Variants in GALM observed in about 807,000 individuals in gnomAD.
GALM encodes galactose mutarotase, also known as aldose 1-epimerase.
In GALM, 43 loss-of-function variants were observed where a neutral mutation model predicts 37.4. The ratio of observed to expected loss-of-function variants is 1.15; its 90% CI spans 0.90 to 1.48. The LOEUF (loss-of-function observed/expected upper bound fraction) is 1.48, where lower values mean the gene tolerates loss of function less well. Among genes scored for constraint, GALM ranks in the 40% most tolerant of loss-of-function variants. GALM has a pLI of 0.00. For missense variants in GALM, 456 were observed against 419.1 expected (o/e 1.09, Z -0.77); for synonymous variants, 199 against 170.6 (o/e 1.17, Z -1.30).
rs1666556010 is a variant in GALM at position 38,729,574 on chromosome 2, AAGGC to A, written c.655_658del (p.Gly219LeufsTer5). The stretch of plus-strand genomic sequence containing the variant: ...CCATCAGGAGAAGTTGCCCCAGTGC[AAGGC>A]ACTGCATTCGACCTGAGAAAGCCAG... On this transcript the variant is annotated frameshift_variant, in exon 5 of 7. Transcript: ENST00000272252. LOFTEE classifies it high-confidence loss of function. The A allele has an allele frequency of 1.2e-6, 2 of 1,613,364 alleles. No homozygotes were observed. Among genetic ancestry groups the A allele is most frequent in the Admixed American group, 3.3e-5 (2 of 59,974 alleles).
intron 1 of GALM, among the ~76,000 whole-genome samples, chr2:38,667,759 T>C (rs1311632704): frequency 7.5e-5 from 11 of 145,734 alleles, no homozygotes; most frequent in East Asian, 2.1e-4. Context: ...ATCACTTGAA[T>C]CTGGGAGGCG....
intron 4 of GALM, among the ~76,000 whole-genome samples, chr2:38,703,779 G>A (rs1467653670): frequency 7.2e-5 from 11 of 152,118 alleles, no homozygotes; most frequent in Non-Finnish European, 1.5e-5. Context: ...TTGGGAGGCT[G>A]AGGTGGGCAG....
intron 1 of GALM, 69 bp downstream of exon 1, chr2:38,666,420 G>GGGA: frequency 1.6e-6 from 2 of 1,252,712 alleles, no homozygotes; most frequent in Non-Finnish European, 2.2e-6. Context: ...CGGATCTAGC[G>GGGA]GGCCACTTGC....
chr2:38,686,276 C>CTTTCTTTCTTTCTTTCCTTCTTTCTTTCT (rs1294189123), intron 3 of GALM, among the ~76,000 whole-genome samples: 2 of 99,032 alleles, frequency 2.0e-5, no homozygotes, highest in African/African-American at 8.7e-5. Flanking sequence ...TTCTTTCTTT[C>CTTTCTTTCTTTCTTTCCTTCTTTCTTTCT]TTATTTTGAG....
chr2:38,698,091 G>A (rs1403495655), intron 4 of GALM, among the ~76,000 whole-genome samples: 1 of 151,762 alleles, frequency 6.6e-6, no homozygotes, highest in Non-Finnish European at 1.5e-5. Context: ...CTACAGGTGC[G>A]CACCACCACG....
At position 38,666,209 on chromosome 2, in the gene GALM, A is replaced by C; in HGVS notation, c.48A>C (p.Gly16=). Reference sequence around the variant, plus strand: ...TGTTTGGAGAGCTGCCCTCGGGAGGAGGGACAGTGGAGAAGTTCCAGCTGC... The same window carrying C: ...TGTTTGGAGAGCTGCCCTCGGGAGGCGGGACAGTGGAGAAGTTCCAGCTGC... ...RAVFGELPSG[G]GTVEKFQLQS... is the part of the protein sequence containing the mutation. The change falls in exon 1 of 7, where the codon GGA becomes GGC. Residue 16 remains glycine, a synonymous_variant. Coordinates refer to ENST00000272252, the MANE Select transcript of GALM (RefSeq NM_138801.3). The C allele has an allele frequency of 6.2e-7, 1 of 1,613,868 alleles. No homozygotes were observed. The highest frequency in any genetic ancestry group is 8.5e-7 in the Non-Finnish European group (1 of 1,179,914).
Position 38,689,818 on chromosome 2 carries a change from C to T in GALM, c.558C>T (p.Ser186=), listed in dbSNP as rs1178716201. The change falls in exon 4 of 7, where the codon TCC becomes TCT. Residue 186 remains serine, a synonymous_variant. Coordinates refer to ENST00000272252, the MANE Select transcript of GALM (RefSeq NM_138801.3). The stretch of plus-strand genomic sequence containing the variant: ...CCCCTACCTTTTCCTCCCAGGCTTC[C>T]CCAAATATAAATGACCATGAAGTCA... The part of the protein sequence containing the change: ...HSYFNLAGQA[S]PNINDHEVTI... 1 of 1,597,190 alleles carries T rather than the reference C, an allele frequency of 6.3e-7. No homozygotes were observed. The highest frequency in any genetic ancestry group is 8.6e-7 in the Non-Finnish European group (1 of 1,168,316).
intron 1 of GALM, chr2:38,669,458 C>T (rs1327519690): frequency 6.6e-6 from 1 of 152,240 alleles, no homozygotes. Context: ...ACGCGGTGAG[C>T]TCGGCTTTTG....
chr2:38,719,774 C>A (rs75373649), intron 4 of GALM, among the ~76,000 whole-genome samples: 234 of 118,360 alleles, frequency 2.0e-3, no homozygotes, highest in East Asian at 2.5e-3. Context: ...AATTCTGTCT[C>A]AAAAAAAAAA....
intron 1 of GALM, 39 bp downstream of exon 1, chr2:38,666,390 G>C (rs756084523): frequency 3.4e-5 from 51 of 1,491,756 alleles, no homozygotes; most frequent in Non-Finnish European, 4.5e-5. Context: ...GCAGGCCCCA[G>C]GCCCACGCTA....
At chr2:38,672,685 T>C (rs1031528969) in intron 1 of GALM, among the ~76,000 whole-genome samples, 47 of 152,294 alleles carry the variant, frequency 3.1e-4, no homozygotes, top group African/African-American at 1.1e-3. Flanking sequence ...GGGATAGTAA[T>C]AGTGTCTACA....
intron 4 of GALM, among the ~76,000 whole-genome samples, chr2:38,723,015 T>C (rs150723943): frequency 3.9e-5 from 6 of 152,314 alleles, no homozygotes; most frequent in African/African-American, 1.4e-4. Flanking sequence ...CGTCACCAGA[T>C]GCTACAATAT....
chr2:38,697,502 G>A (rs1319560042), intron 4 of GALM, among the ~76,000 whole-genome samples: 1 of 152,124 alleles, frequency 6.6e-6, no homozygotes, highest in African/African-American at 2.4e-5. Flanking sequence ...TGCTATTCTT[G>A]AGGGAAATAC....
chr2:38,717,937 C>T (rs921946679), intron 4 of GALM, among the ~76,000 whole-genome samples: 4 of 151,026 alleles, frequency 2.6e-5, no homozygotes, highest in Admixed American at 2.0e-4. Flanking sequence ...TGGGCTTAAA[C>T]GATCTTCCCA....
chr2:38,682,760 G>A (rs1268583394), intron 3 of GALM, among the ~76,000 whole-genome samples: 2 of 152,100 alleles, frequency 1.3e-5, no homozygotes, highest in African/African-American at 4.8e-5. Flanking sequence ...GCTGGGCATG[G>A]TAGCGTGGGC....
chr2:38,732,064 A>G (rs148045171), intron 6 of GALM, among the ~76,000 whole-genome samples, 155 bp downstream of exon 6: 608 of 152,296 alleles, frequency 4.0e-3, no homozygotes, highest in Non-Finnish European at 6.4e-3. Flanking sequence ...CTTGTCGCCT[A>G]GGCTGTAGTG....
chr2:38,667,222 G>A (rs1002988933), intron 1 of GALM, among the ~76,000 whole-genome samples: 1 of 152,140 alleles, frequency 6.6e-6, no homozygotes, highest in African/African-American at 2.4e-5. Context: ...GAAACTGAGA[G>A]TTAATACTCT....
intron 3 of GALM, among the ~76,000 whole-genome samples, chr2:38,685,331 T>C (rs1665493883): frequency 6.6e-6 from 1 of 152,206 alleles, no homozygotes; most frequent in South Asian, 2.1e-4. Flanking sequence ...AGTTTCTGCC[T>C]GGGGGCACAG....
At chr2:38,692,989 G>A (rs928830138) in intron 4 of GALM, among the ~76,000 whole-genome samples, 3 of 152,140 alleles carry the variant, frequency 2.0e-5, no homozygotes, top group African/African-American at 7.2e-5. Flanking sequence ...AGGTTGATTG[G>A]GGCCATGTCA....
Sources: gnomAD v4.1 joint callset for allele counts (sites outside exome capture counted in the v4.1 genomes callset) on GRCh38, gnomAD v4.1.1 for gene constraint, MANE v1.5 for transcripts, NCBI Gene and HGNC (gene_info 2026-07-23, HGNC 2026-07-21) for gene names.